The following CPLANE1 variants were observed in gnomAD, a reference collection of about 807,000 sequenced individuals.
CPLANE1 encodes ciliogenesis and planar polarity effector 1.
A neutral mutation model predicts 362.5 loss-of-function variants in CPLANE1; 263 were observed. The ratio of observed to expected loss-of-function variants is 0.73; its 90% CI spans 0.66 to 0.80. The LOEUF (loss-of-function observed/expected upper bound fraction) is 0.80, where lower values mean the gene tolerates loss of function less well. Among genes scored for constraint, CPLANE1 ranks in the 30% least tolerant of loss-of-function variants. The probability of loss-of-function intolerance (pLI) is 0.00; values close to 1 mark genes in which losing one functional copy is unlikely to be tolerated. For missense variants in CPLANE1, 3,461 were observed against 3,793.4 expected (o/e 0.91, Z 2.30); for synonymous variants, 1,212 against 1,302.6 (o/e 0.93, Z 1.50).
chr5:37,177,035 G>A (rs1781371540), intron 30 of CPLANE1, among the ~76,000 whole-genome samples: 1 of 152,132 alleles, frequency 6.6e-6, no homozygotes, highest in African/African-American at 2.4e-5. Context: ...TGGGATTACA[G>A]GCATAAGCCA....
At position 37,173,952 on chromosome 5, in the gene CPLANE1, G is replaced by C; in HGVS notation, c.5979-5C>G. 1 of 1,603,640 alleles carries C rather than the reference G, an allele frequency of 6.2e-7. No individual in the cohort carries two copies. Among genetic ancestry groups the C allele is most frequent in the Non-Finnish European group, 8.5e-7 (1 of 1,173,442 alleles). On this transcript the variant is annotated splice_polypyrimidine_tract_variant and splice_region_variant and intron_variant, in intron 31 of 52. Coordinates refer to ENST00000651892, the MANE Select transcript of CPLANE1 (RefSeq NM_001384732.1). ...TTATATGTAGAAATCTGTGCACTGC[G>C]TGGAAAGCATTTAAATAAAAAACAT... is the stretch of plus-strand genomic sequence containing the variant.
chr5:37,182,688 G>C, intron 26 of CPLANE1, 72 bp downstream of exon 26: 1 of 902,590 alleles, frequency 1.1e-6, no homozygotes, highest in Non-Finnish European at 1.6e-6. Flanking sequence ...TTAAAAGATG[G>C]GAAATGTAAA....
At chr5:37,139,500 A>ATATTTATAGCATATT in intron 44 of CPLANE1, 130 bp from the exon 45 acceptor site, 2 of 1,089,994 alleles carry the variant, frequency 1.8e-6, no homozygotes, top group Non-Finnish European at 2.4e-6. Context: ...GTTTATAGAT[A>ATATTTATAGCATATT]TATATTTACA....
chr5:37,167,323 G>GTTTAA, intron 34 of CPLANE1, 110 bp from the exon 35 acceptor site: 1 of 807,820 alleles, frequency 1.2e-6, no homozygotes, highest in Non-Finnish European at 1.9e-6. Context: ...CTGTGCAACA[G>GTTTAA]TTAGAACAAA....
Position 37,184,919 on chromosome 5 carries a change from T to A in CPLANE1, c.4350A>T (p.Arg1450Ser). ...TGCTCAAACTAGTCCCCAGGGAATA[T>A]CTGTCAACACCTGGAGCCTCATCTG... ...EKPDEAPGVD[R>S]YSLGTSLSRS... Residue 1450 changes from arginine (R) to serine (S), a missense_variant, in exon 25 of 53, where the codon AGA (arginine) becomes AGT (serine). Physicochemically the swap from Arg to Ser is moderately radical, Grantham distance 110 (BLOSUM62 -1). This residue lies in a region of CPLANE1 where 3,380 missense variants were observed against 3,666.1 expected (regional missense o/e 0.92). Coordinates refer to ENST00000651892, the MANE Select transcript of CPLANE1 (RefSeq NM_001384732.1). 1 of 1,614,164 alleles carries A rather than the reference T, an allele frequency of 6.2e-7. No individual in the cohort carries two copies. Among genetic ancestry groups the A allele is most frequent in the Non-Finnish European group, 8.5e-7 (1 of 1,179,994 alleles).
chr5:37,167,021 CA>C (rs757232080), intron 35 of CPLANE1, 25 bp downstream of exon 35: 1 of 1,557,824 alleles, frequency 6.4e-7, no homozygotes. Context: ...ATGATATTAT[CA>C]AATAAAATTT....
At chr5:37,110,615 G>C (rs1758896467) in intron 51 of CPLANE1, among the ~76,000 whole-genome samples, 1 of 152,016 alleles carries the variant, frequency 6.6e-6, no homozygotes, top group Non-Finnish European at 1.5e-5. Context: ...TTGTTCATGA[G>C]TAACAGTGCC....
chr5:37,239,660 T>A (rs542756856), intron 7 of CPLANE1, 53 bp downstream of exon 7: 546 of 1,236,982 alleles, frequency 4.4e-4, no homozygotes, highest in Admixed American at 1.2e-3. Flanking sequence ...ATCTCAAAAC[T>A]GGAATAAACT....
intron 41 of CPLANE1, among the ~76,000 whole-genome samples, chr5:37,156,502 G>A (rs1775147961): frequency 6.6e-6 from 1 of 152,052 alleles, no homozygotes; most frequent in Non-Finnish European, 1.5e-5. Context: ...CTACTTAGGA[G>A]GCTGAGGCAG....
chr5:37,175,440 AAGG>A (rs1407674674), intron 31 of CPLANE1, among the ~76,000 whole-genome samples: 1 of 152,206 alleles, frequency 6.6e-6, no homozygotes, highest in African/African-American at 2.4e-5. Flanking sequence ...AACAGGTCTC[AAGG>A]AGATCGATTC....
chr5:37,077,557 A>G, the CPLANE1 span, among the ~76,000 whole-genome samples: 1 of 151,364 alleles, frequency 6.6e-6, no homozygotes, highest in Non-Finnish European at 1.5e-5. Flanking sequence ...ACAGAATAAA[A>G]AATATTTATG....
chr5:37,158,016 T>C (rs1775673099), intron 39 of CPLANE1, 148 bp from the exon 40 acceptor site: 1 of 767,792 alleles, frequency 1.3e-6, no homozygotes, highest in African/African-American at 1.8e-5. Context: ...TGTGCCTAAC[T>C]TAGGAAAAGG....
chr5:37,128,199 G>A (rs1023622872), intron 46 of CPLANE1, among the ~76,000 whole-genome samples: 3 of 152,128 alleles, frequency 2.0e-5, no homozygotes, highest in Non-Finnish European at 2.9e-5. Flanking sequence ...TAGAGATGGG[G>A]TTTCCCTATG....
intron 12 of CPLANE1, among the ~76,000 whole-genome samples, chr5:37,225,520 T>C (rs924083119): frequency 1.3e-5 from 2 of 152,072 alleles, no homozygotes; most frequent in Non-Finnish European, 1.5e-5. Context: ...CGTGAGCCAC[T>C]GCGCCCAGCC....
At chr5:37,208,726 A>T (rs1408093504) in intron 16 of CPLANE1, among the ~76,000 whole-genome samples, 1 of 145,866 alleles carries the variant, frequency 6.9e-6, no homozygotes, top group East Asian at 2.2e-4. Flanking sequence ...TCACCTCCTC[A>T]GAGAGCTACT....
intron 52 of CPLANE1, 109 bp downstream of exon 52, chr5:37,108,184 A>G: frequency 9.4e-7 from 1 of 1,065,168 alleles, no homozygotes; most frequent in African/African-American, 1.6e-5. Flanking sequence ...ACTTTTCAGT[A>G]TTTCCACATC....
intron 47 of CPLANE1, 113 bp downstream of exon 47, chr5:37,125,131 A>T (rs1288158574): frequency 7.1e-7 from 1 of 1,407,042 alleles, no homozygotes; most frequent in East Asian, 2.3e-5. Flanking sequence ...TTACTTTTCT[A>T]TATGCCAAAT....
At chr5:37,194,636 G>A (rs1786685067) in intron 21 of CPLANE1, among the ~76,000 whole-genome samples, 1 of 151,802 alleles carries the variant, frequency 6.6e-6, no homozygotes, top group African/African-American at 2.4e-5. Flanking sequence ...TTATACTAAG[G>A]GTGAGTGAGT....
chr5:37,206,765 CATTTAT>C (rs1790873046), intron 16 of CPLANE1, among the ~76,000 whole-genome samples: 1 of 151,952 alleles, frequency 6.6e-6, no homozygotes, highest in East Asian at 1.9e-4. Flanking sequence ...ATACAAAAAA[CATTTAT>C]ATCTACTATA....
Sources: allele counts gnomAD v4.1 joint callset (sites outside exome capture counted in the v4.1 genomes callset), GRCh38; gene constraint gnomAD v4.1.1; regional missense constraint gnomAD v4.1.1; transcripts MANE v1.5; gene names NCBI Gene and HGNC (gene_info 2026-07-23, HGNC 2026-07-21).